The following ZBTB20 variants were observed in gnomAD, a reference collection of about 807,000 sequenced individuals.
ZBTB20 encodes the protein zinc finger and BTB domain-containing protein 20.
In ZBTB20, 9 loss-of-function variants were observed where a neutral mutation model predicts 56.9. That is an observed-to-expected ratio of 0.16 (90% CI 0.10 to 0.28). The LOEUF (loss-of-function observed/expected upper bound fraction) is 0.28. ZBTB20 is among the 10% of genes least tolerant of loss of function. ZBTB20 has a pLI of 1.00. For synonymous variants in ZBTB20, 417 were observed against 420.7 expected, an observed-to-expected ratio of 0.99 and a Z score of 0.11; for missense variants, 655 against 1,003.0, an observed-to-expected ratio of 0.65 and a Z score of 4.69.
chr3:114,461,541 A>T (rs1172224088), intron 7 of ZBTB20, among the ~76,000 whole-genome samples: 1 of 152,080 alleles, frequency 6.6e-6, no homozygotes, highest in Non-Finnish European at 1.5e-5. Flanking sequence ...CCTGGCCTCA[A>T]ATGGTCCTCC....
At chr3:115,032,036 T>C (rs1391102224) in intron 2 of ZBTB20, among the ~76,000 whole-genome samples, 1 of 151,442 alleles carries the variant, frequency 6.6e-6, no homozygotes, top group Admixed American at 6.6e-5. Context: ...TCAAGGGAAG[T>C]GGGAAAATTC....
rs540457825 is a variant in ZBTB20 at position 114,571,697 on chromosome 3, G to A, written c.-294-71306C>T. Reference sequence around the variant, plus strand: ...TGATGGCAGGGTAACTTAGTACCTGGTCTAGGACCAGCTGCATCAGAACCA... The same window carrying A: ...TGATGGCAGGGTAACTTAGTACCTGATCTAGGACCAGCTGCATCAGAACCA... On this transcript the variant is annotated intron_variant, in intron 6 of 11. Transcript: ENST00000675478. 2.0e-4 allele frequency among the ~76,000 whole-genome samples: 31 copies of A among 152,222 alleles called. 2 individuals are homozygous for A. In the South Asian group the frequency reaches 6.4e-3, roughly 32 times the overall value.
intron 5 of ZBTB20, among the ~76,000 whole-genome samples, chr3:114,754,089 G>A (rs994283736): frequency 2.6e-5 from 4 of 152,008 alleles, no homozygotes; most frequent in African/African-American, 7.3e-5. Context: ...AATTTCTGGC[G>A]CTGCTGTAAC....
Position 114,351,040 on chromosome 3 carries a change from C to T in ZBTB20, c.1038G>A (p.Gln346=), listed in dbSNP as rs1168738139. ...CCTCGGATTCGTTGCGTTCCAGGAT[C>T]TGCACCCTTTGCTGCCCGTAGTAGT... The part of the protein sequence containing the change: ...DYDYYGQQRV[Q]ILERNESEEC... The change falls in exon 11 of 12, where the codon CAG becomes CAA. Residue 346 remains glutamine, a synonymous_variant. Coordinates refer to ENST00000675478, the MANE Select transcript of ZBTB20 (RefSeq NM_001348800.3). 1.2e-6 allele frequency: 2 copies of T among 1,612,094 alleles called. No homozygotes were observed. The highest frequency in any genetic ancestry group is 1.7e-6 in the Non-Finnish European group (2 of 1,179,964).
At chr3:115,039,439 G>A (rs188497949) in intron 2 of ZBTB20, among the ~76,000 whole-genome samples, 34 of 152,036 alleles carry the variant, frequency 2.2e-4, no homozygotes, top group African/African-American at 7.7e-4. Context: ...CTAGATACAG[G>A]TTTCAACTCA....
chr3:114,759,195 T>C (rs1456682073), intron 5 of ZBTB20: 1 of 151,980 alleles, frequency 6.6e-6, no homozygotes, highest in Admixed American at 6.6e-5. Context: ...CTTGTCAGGG[T>C]GATTTGTTAG....
chr3:114,798,122 C>T (rs1374391200), intron 5 of ZBTB20, among the ~76,000 whole-genome samples: 1 of 151,644 alleles, frequency 6.6e-6, no homozygotes, highest in Admixed American at 6.6e-5. Context: ...CACCATGCGT[C>T]GTACACACCC....
Position 114,942,411 on chromosome 3 carries a change from CA to C in ZBTB20, c.-456+31954del, listed in dbSNP as rs2076750996. Among the ~76,000 whole-genome samples, 5 of 145,680 alleles carry C rather than the reference CA, an allele frequency of 3.4e-5. No homozygotes were observed. In the East Asian group the frequency reaches 9.7e-4, roughly 28 times the overall value. Reference sequence around the variant, plus strand: ...ATACTTAAAGAATAATATATACATTCAAATATTTGTAAGAAATTCATATAGA... The same window carrying C: ...ATACTTAAAGAATAATATATACATTCAATATTTGTAAGAAATTCATATAGA... On this transcript the variant is annotated intron_variant, in intron 3 of 11. Coordinates refer to ENST00000675478, the MANE Select transcript of ZBTB20 (RefSeq NM_001348800.3).
chr3:114,458,679 G>T (rs1057159939), intron 7 of ZBTB20, among the ~76,000 whole-genome samples: 2 of 151,530 alleles, frequency 1.3e-5, no homozygotes, highest in Non-Finnish European at 2.9e-5. Flanking sequence ...GAACGTACGG[G>T]TTTTCAGTGA....
chr3:114,589,189 C>T (rs1483260294), intron 6 of ZBTB20, among the ~76,000 whole-genome samples: 1 of 152,080 alleles, frequency 6.6e-6, no homozygotes, highest in East Asian at 1.9e-4. Context: ...TTCTAAAATC[C>T]CCCCAGTGCG....
At chr3:115,125,655 G>A (rs947444898) in intron 1 of ZBTB20, among the ~76,000 whole-genome samples, 4 of 152,146 alleles carry the variant, frequency 2.6e-5, no homozygotes, top group Admixed American at 1.3e-4. Flanking sequence ...GTACAGTATG[G>A]TGACTATAGT....
At chr3:114,803,698 G>T (rs965848290) in intron 4 of ZBTB20, among the ~76,000 whole-genome samples, 3 of 151,672 alleles carry the variant, frequency 2.0e-5, no homozygotes, top group Non-Finnish European at 4.4e-5. Flanking sequence ...AATATTCTGA[G>T]GGAATGTCAG....
intron 1 of ZBTB20, among the ~76,000 whole-genome samples, chr3:115,112,049 A>G (rs1218013160): frequency 6.6e-6 from 1 of 152,216 alleles, no homozygotes; most frequent in Non-Finnish European, 1.5e-5. Flanking sequence ...AAAACTTTGC[A>G]CAGATCACTG....
chr3:114,643,955 T>C (rs905943276), intron 6 of ZBTB20, among the ~76,000 whole-genome samples: 4 of 152,100 alleles, frequency 2.6e-5, no homozygotes. Context: ...AGTGAGATTC[T>C]ACTGTTCTGG....
chr3:114,795,349 G>T (rs1274661277), intron 5 of ZBTB20, among the ~76,000 whole-genome samples: 1 of 151,958 alleles, frequency 6.6e-6, no homozygotes, highest in Non-Finnish European at 1.5e-5. Context: ...CTTTCCCACT[G>T]CATTCAGAAT....
intron 5 of ZBTB20, among the ~76,000 whole-genome samples, chr3:114,762,198 T>C (rs1056449859): frequency 4.6e-5 from 7 of 152,180 alleles, no homozygotes; most frequent in Admixed American, 6.5e-5. Flanking sequence ...TTCTTGTTTT[T>C]CCAAGTGATT....
chr3:114,853,187 C>A (rs1362982074), intron 4 of ZBTB20, among the ~76,000 whole-genome samples: 1 of 152,190 alleles, frequency 6.6e-6, no homozygotes, highest in African/African-American at 2.4e-5. Context: ...CTGTTATCAT[C>A]TGTTGTAGAA....
intron 4 of ZBTB20, among the ~76,000 whole-genome samples, chr3:114,810,066 G>A (rs931340844): frequency 5.9e-5 from 9 of 151,466 alleles, no homozygotes; most frequent in African/African-American, 2.2e-4. Context: ...CTATGCTAAC[G>A]CCTCTAATTG....
At chr3:114,354,587 G>GTT (rs10663657) in intron 10 of ZBTB20, among the ~76,000 whole-genome samples, 9,690 of 129,930 alleles carry the variant, frequency 0.075, 559 homozygotes, top group African/African-American at 0.12. Context: ...TGTTTTGTTT[G>GTT]TTTTTTTTTT....
Sources: allele counts gnomAD v4.1 joint callset (sites outside exome capture counted in the v4.1 genomes callset), GRCh38; gene constraint gnomAD v4.1.1; transcripts MANE v1.5; gene names NCBI Gene and HGNC (gene_info 2026-07-23, HGNC 2026-07-21).